PDE9A: variants seen among roughly 807,000 people sequenced by gnomAD.
PDE9A encodes phosphodiesterase 9A, also known as high affinity cGMP-specific 3',5'-cyclic phosphodiesterase 9A.
A neutral mutation model predicts 87.4 loss-of-function variants in PDE9A; 60 were observed. The ratio of observed to expected loss-of-function variants is 0.69; its 90% CI spans 0.56 to 0.85. The LOEUF is 0.85. Among genes scored for constraint, PDE9A ranks in the 40% least tolerant of loss-of-function variants. PDE9A has a pLI of 0.00. For missense variants in PDE9A, 665 were observed against 779.0 expected, an observed-to-expected ratio of 0.85 and a Z score of 1.74; for synonymous variants, 272 against 279.4, an observed-to-expected ratio of 0.97 and a Z score of 0.27.
intron 4 of PDE9A, among the ~76,000 whole-genome samples, chr21:42,727,077 C>CAAAAAAAAAA (rs34249348): frequency 1.2e-5 from 1 of 81,688 alleles, no homozygotes; most frequent in South Asian, 4.3e-4. Context: ...TCTATTTCTA[C>CAAAAAAAAAA]AAAAAAAAAA....
rs34581078 is a variant in PDE9A, at chr21:42,704,433, A to AACACACACACACACAC, written c.262+5444_262+5459dup. 6.0e-3 allele frequency among the ~76,000 whole-genome samples: 820 copies of AACACACACACACACAC among 137,102 alleles called. 14 individuals are homozygous for AACACACACACACACAC. Among genetic ancestry groups the AACACACACACACACAC allele is most frequent in the Non-Finnish European group, 6.9e-3 (438 of 63,706 alleles). 89.9% of individuals were successfully genotyped at this position (137,102 alleles called of 152,430 possible). ...CAGGTAGACCCCCCCCACCCCACCAAACACACACACACACACACACACACA... is the reference window on the plus strand; with the variant it reads ...CAGGTAGACCCCCCCCACCCCACCAAACACACACACACACACACACACACACACACACACACACACA... On this transcript the variant is annotated intron_variant, in intron 4 of 19. Coordinates refer to ENST00000291539, the MANE Select transcript of PDE9A (RefSeq NM_002606.3). This position sits in a 1 kb window ranked among gnomAD's most constrained non-coding sequence, Gnocchi z 5.3.
chr21:42,684,497 G>C (rs2059338595), intron 1 of PDE9A, among the ~76,000 whole-genome samples: 1 of 152,254 alleles, frequency 6.6e-6, no homozygotes, highest in African/African-American at 2.4e-5. Context: ...GTAGAAGTGA[G>C]GGCCTGGCAC....
intron 6 of PDE9A, 99 bp from the exon 7 acceptor site, chr21:42,733,257 A>C: frequency 1.4e-6 from 1 of 729,832 alleles, no homozygotes; most frequent in South Asian, 1.5e-5. Context: ...GGCCTTGCCC[A>C]TGCCCACAGC....
rs937360750 is a variant in PDE9A, at chr21:42,723,091, G to A, written c.263-8679G>A. On this transcript the variant is annotated intron_variant, in intron 4 of 19. Coordinates refer to ENST00000291539, the MANE Select transcript of PDE9A (RefSeq NM_002606.3). This position sits in a 1 kb window ranked among gnomAD's most constrained non-coding sequence, Gnocchi z 4.3. ...TCCATCCTGCCACCCACACAGCTGCGTCCTGCCCAGGAATGAGGCTGGCAG... is the reference window on the plus strand; with the variant it reads ...TCCATCCTGCCACCCACACAGCTGCATCCTGCCCAGGAATGAGGCTGGCAG... Among the ~76,000 whole-genome samples, 6 of 152,242 alleles carry A rather than the reference G, an allele frequency of 3.9e-5. No homozygotes were observed. Among genetic ancestry groups the A allele is most frequent in the Admixed American group, 1.3e-4 (2 of 15,290 alleles).
rs190434193 is a variant in PDE9A, at chr21:42,752,174, C to T, written c.735+977C>T. ...AAGTGATGGCAGAGCCTTCCACAGC[C>T]TCCATGTAGGCCACTGGTGTCCATT... On this transcript the variant is annotated intron_variant, in intron 9 of 19. Transcript: ENST00000291539. Among the ~76,000 whole-genome samples the T allele has an allele frequency of 8.6e-3, 1,316 of 152,336 alleles. 18 individuals are homozygous for T. Among genetic ancestry groups the T allele is most frequent in the African/African-American group, 0.03 (1,249 of 41,574 alleles).
At chr21:42,738,746 T>C (rs2052758821) in intron 7 of PDE9A, among the ~76,000 whole-genome samples, 2 of 152,168 alleles carry the variant, frequency 1.3e-5, no homozygotes, top group African/African-American at 4.8e-5. Context: ...AGTGCAGTGG[T>C]GTGATCTTGG....
At chr21:42,737,459 C>T (rs1262027428) in intron 7 of PDE9A, among the ~76,000 whole-genome samples, 1 of 152,136 alleles carries the variant, frequency 6.6e-6, no homozygotes. Context: ...TTTGTCTTGT[C>T]TTGTTTTTGT....
intron 3 of PDE9A, chr21:42,689,726 C>T: frequency 2.0e-6 from 2 of 985,414 alleles, no homozygotes; most frequent in Non-Finnish European, 2.4e-6. Context: ...CAGACAAAAG[C>T]CCTCCTGAGC....
At chr21:42,686,168 C>T in intron 1 of PDE9A, 24 bp from the exon 2 acceptor site, 1 of 1,604,408 alleles carries the variant, frequency 6.2e-7, no homozygotes, top group Non-Finnish European at 8.5e-7. Context: ...CTCGCTGCCG[C>T]CTCACCGCGC....
At position 42,667,012 on chromosome 21, in the gene PDE9A, T is replaced by TC. The variant is rs559452601; in HGVS notation, c.69+13136dup. 7.8e-4 allele frequency among the ~76,000 whole-genome samples: 114 copies of TC among 145,720 alleles called. No homozygotes were observed. In the South Asian group the frequency reaches 0.021, roughly 27 times the overall value. ...CTCCCGGGCTCCAGGCTGTCCCCAC[T>TC]CCCCCCCGCCCCAACCCCAGCATGT... On this transcript the variant is annotated intron_variant, in intron 1 of 19. Coordinates refer to ENST00000291539, the MANE Select transcript of PDE9A (RefSeq NM_002606.3).
chr21:42,710,408 CAAAAAA>C (rs35770609), intron 4 of PDE9A, among the ~76,000 whole-genome samples: 1 of 110,740 alleles, frequency 9.0e-6, no homozygotes, highest in African/African-American at 3.1e-5. Context: ...GACTCCATCT[CAAAAAA>C]AAAAAAAAAA....
intron 4 of PDE9A, among the ~76,000 whole-genome samples, chr21:42,721,839 C>T (rs2050560958): frequency 6.6e-6 from 1 of 151,374 alleles, no homozygotes. Flanking sequence ...CACCCTGCTC[C>T]CACCCCCCAC....
At position 42,686,266 on chromosome 21, in the gene PDE9A, AGT is replaced by A; in HGVS notation, c.140+6_140+7del. ...GCATCGCCACCGGCCTGCCTCGGTG[AGT>A]GCGCGCTGCGGGCTCTGCCCGGTGA... is the stretch of plus-strand genomic sequence containing the variant. On this transcript the variant is annotated splice_donor_5th_base_variant and intron_variant, in intron 2 of 19. Coordinates refer to ENST00000291539, the MANE Select transcript of PDE9A (RefSeq NM_002606.3). The A allele has an allele frequency of 6.2e-7, 1 of 1,611,860 alleles. No individual in the cohort carries two copies. Among genetic ancestry groups the A allele is most frequent in the Non-Finnish European group, 8.5e-7 (1 of 1,178,064 alleles).
intron 4 of PDE9A, among the ~76,000 whole-genome samples, chr21:42,731,344 G>A (rs532773537): frequency 6.6e-6 from 1 of 152,334 alleles, no homozygotes; most frequent in South Asian, 2.1e-4. Flanking sequence ...GACTAAGCCT[G>A]GTGTGGGCTC....
chr21:42,655,283 A>AAAG (rs2056975431), intron 1 of PDE9A, among the ~76,000 whole-genome samples: 1 of 152,228 alleles, frequency 6.6e-6, no homozygotes, highest in Admixed American at 6.5e-5. Flanking sequence ...TTTAAAAGCA[A>AAAG]AAGTCTTTTT....
intron 10 of PDE9A, 89 bp from the exon 11 acceptor site, chr21:42,758,910 C>A: frequency 2.1e-6 from 2 of 971,118 alleles, no homozygotes; most frequent in Non-Finnish European, 1.6e-6. Context: ...GCCCTGCTGG[C>A]ACTCCGAGGA....
At chr21:42,666,601 G>T (rs1215686895) in intron 1 of PDE9A, among the ~76,000 whole-genome samples, 1 of 152,226 alleles carries the variant, frequency 6.6e-6, no homozygotes, top group African/African-American at 2.4e-5. Context: ...AGGTCAGGCT[G>T]CAGCAGGGCT....
At chr21:42,670,838 T>A (rs1233784072) in intron 1 of PDE9A, among the ~76,000 whole-genome samples, 1 of 152,132 alleles carries the variant, frequency 6.6e-6, no homozygotes, top group Admixed American at 6.5e-5. Flanking sequence ...TGCATTAGTT[T>A]TCAAGTCAGG....
chr21:42,704,536 ACT>A lies in PDE9A; in HGVS notation c.262+5532_262+5533del, dbSNP rs756148266. 1.1e-4 allele frequency among the ~76,000 whole-genome samples: 17 copies of A among 149,970 alleles called. No homozygotes were observed. The highest frequency in any genetic ancestry group is 1.5e-4 in the Non-Finnish European group (10 of 67,652). ...TGGGGTTTGTCCTTAGGAATTCTTCACTCTCTCTATGGCAACAACCTTCCCTC... is the reference window on the plus strand; with the variant it reads ...TGGGGTTTGTCCTTAGGAATTCTTCACTCTCTATGGCAACAACCTTCCCTC... On this transcript the variant is annotated intron_variant, in intron 4 of 19. Transcript: ENST00000291539. This position sits in a 1 kb window ranked among gnomAD's most constrained non-coding sequence, Gnocchi z 5.3.
Sources: gnomAD v4.1 joint callset for allele counts (sites outside exome capture counted in the v4.1 genomes callset) on GRCh38, gnomAD v4.1.1 for gene constraint, Gnocchi (gnomAD v3.1) non-coding constraint, MANE v1.5 for transcripts, NCBI Gene and HGNC (gene_info 2026-07-23, HGNC 2026-07-21) for gene names.